The following SEMA3A variants were observed in gnomAD, a reference collection of about 807,000 sequenced individuals.
SEMA3A encodes the protein semaphorin-3A.
In SEMA3A, 29 loss-of-function variants were observed where a neutral mutation model predicts 97.9. The observed-to-expected ratio is 0.30, with a 90% CI of 0.22 to 0.40. The LOEUF (loss-of-function observed/expected upper bound fraction) is 0.40. Ranked by LOEUF, SEMA3A falls within the 10% of genes least tolerant of loss-of-function variation. The probability of loss-of-function intolerance (pLI) is 1.00; values close to 1 mark genes in which losing one functional copy is unlikely to be tolerated. For synonymous variants in SEMA3A, 321 were observed against 323.7 expected, an observed-to-expected ratio of 0.99 and a Z score of 0.09; for missense variants, 763 against 951.3, an observed-to-expected ratio of 0.80 and a Z score of 2.60.
chr7:84,011,846 TG>T (rs1790891400), intron 7 of SEMA3A, among the ~76,000 whole-genome samples: 2 of 152,190 alleles, frequency 1.3e-5, no homozygotes, highest in Admixed American at 1.3e-4. Flanking sequence ...AAATCAACAT[TG>T]TTTTGTACTC....
At chr7:84,086,671 G>GTA (rs1794386329) in intron 4 of SEMA3A, among the ~76,000 whole-genome samples, 2 of 145,470 alleles carry the variant, frequency 1.4e-5, no homozygotes, top group Non-Finnish European at 1.5e-5. Flanking sequence ...TCATATATAT[G>GTA]TATATATATG....
Position 84,471,926 on chromosome 7 carries a change from GT to G in SEMA3A, c.-246+20533del, listed in dbSNP as rs1174179573. ...GATCTTCAAATCATCTGACTTTCAG[GT>G]TTTTTTTTTTCTTTTGGTATCTTAG... is the stretch of plus-strand genomic sequence containing the variant. On this transcript the variant is annotated intron_variant, in intron 1 of 3. Transcript: ENST00000424555. Among the ~76,000 whole-genome samples the G allele has an allele frequency of 5.2e-3, 761 of 145,524 alleles. 8 individuals carry two copies. Among genetic ancestry groups the G allele is most frequent in the African/African-American group, 0.017 (664 of 39,948 alleles).
chr7:84,043,999 C>G (rs1486901733), intron 6 of SEMA3A, among the ~76,000 whole-genome samples: 3 of 151,992 alleles, frequency 2.0e-5, no homozygotes, highest in African/African-American at 7.2e-5. Context: ...ATACTATACT[C>G]TCCTTTATGT....
chr7:84,055,353 G>A (rs562052515), intron 5 of SEMA3A, among the ~76,000 whole-genome samples: 74 of 152,286 alleles, frequency 4.9e-4, no homozygotes, highest in African/African-American at 1.5e-3. Flanking sequence ...AGCAATCAGC[G>A]AGACTCCGTG....
At chr7:84,234,334 C>A (rs1158464785) in intron 3 of SEMA3A, among the ~76,000 whole-genome samples, 1 of 152,118 alleles carries the variant, frequency 6.6e-6, no homozygotes, top group African/African-American at 2.4e-5. Context: ...CACACTCATG[C>A]TCATGAAGAG....
At chr7:84,150,330 G>A (rs531165320) in intron 1 of SEMA3A, among the ~76,000 whole-genome samples, 1 of 152,154 alleles carries the variant, frequency 6.6e-6, no homozygotes, top group Non-Finnish European at 1.5e-5. Context: ...CTGAGGTACC[G>A]GGTTCATCTC....
intron 1 of SEMA3A, among the ~76,000 whole-genome samples, chr7:84,427,235 A>T (rs1804851109): frequency 6.6e-6 from 1 of 152,086 alleles, no homozygotes; most frequent in Admixed American, 6.6e-5. Context: ...CAATGAAGGG[A>T]GATATCTATG....
At position 84,430,073 on chromosome 7, in the gene SEMA3A, A is replaced by C. The variant is rs542815165; in HGVS notation, c.-245-58173T>G. Among the ~76,000 whole-genome samples the C allele has an allele frequency of 3.3e-5, 5 of 152,106 alleles. No individual in the cohort carries two copies. In the South Asian group the frequency reaches 1.0e-3, roughly 31 times the overall value. On this transcript the variant is annotated intron_variant, in intron 1 of 3. Coordinates refer to the SEMA3A transcript ENST00000424555. Reference sequence around the variant, plus strand: ...AGTAGAGTGGGTTTGTTTCTTTGTCAATCTAAATGAAATGTAAACCCAATC... The same window carrying C: ...AGTAGAGTGGGTTTGTTTCTTTGTCCATCTAAATGAAATGTAAACCCAATC...
intron 3 of SEMA3A, among the ~76,000 whole-genome samples, chr7:84,225,778 G>A (rs980089653): frequency 6.6e-6 from 1 of 151,936 alleles, no homozygotes; most frequent in Non-Finnish European, 1.5e-5. Flanking sequence ...TGGACATAAT[G>A]GTATAAAAGA....
intron 2 of SEMA3A, among the ~76,000 whole-genome samples, chr7:84,350,639 A>C (rs1017705531): frequency 3.3e-5 from 5 of 152,178 alleles, no homozygotes; most frequent in Non-Finnish European, 5.9e-5. Flanking sequence ...TACCTTGTTT[A>C]AAAATATAAT....
chr7:84,096,298 T>A (rs1794770290), intron 4 of SEMA3A, among the ~76,000 whole-genome samples: 1 of 152,022 alleles, frequency 6.6e-6, no homozygotes, highest in African/African-American at 2.4e-5. Flanking sequence ...TATTATAAAG[T>A]GAAGGATAGG....
At chr7:84,131,670 T>C (rs551097050) in intron 2 of SEMA3A, among the ~76,000 whole-genome samples, 1 of 152,348 alleles carries the variant, frequency 6.6e-6, no homozygotes, top group East Asian at 1.9e-4. Flanking sequence ...AAATCTCCTG[T>C]AGTGTTCATC....
chr7:84,427,841 T>TA (rs1804869386), intron 1 of SEMA3A, among the ~76,000 whole-genome samples: 1 of 151,834 alleles, frequency 6.6e-6, no homozygotes, highest in African/African-American at 2.4e-5. Context: ...AGCAAGTACA[T>TA]AAAAAATCTG....
At chr7:83,970,235 C>A (rs1038415528) in intron 15 of SEMA3A, among the ~76,000 whole-genome samples, 1 of 152,060 alleles carries the variant, frequency 6.6e-6, no homozygotes, top group African/African-American at 2.4e-5. Flanking sequence ...TTAATCATTT[C>A]CTCTTTTAGT....
chr7:84,436,276 G>T (rs1805126882), intron 1 of SEMA3A, among the ~76,000 whole-genome samples: 1 of 152,094 alleles, frequency 6.6e-6, no homozygotes, highest in African/African-American at 2.4e-5. Flanking sequence ...CCTTGGGAAA[G>T]AATTTATGAC....
intron 5 of SEMA3A, 125 bp from the exon 6 acceptor site, chr7:84,046,568 C>T: frequency 2.0e-6 from 2 of 1,019,540 alleles, no homozygotes; most frequent in Non-Finnish European, 1.5e-6. Context: ...GAAATGCTCT[C>T]TGCATCATTA....
chr7:84,407,066 G>T (rs1029747539), intron 1 of SEMA3A, among the ~76,000 whole-genome samples: 1 of 152,154 alleles, frequency 6.6e-6, no homozygotes, highest in African/African-American at 2.4e-5. Context: ...TCAGGCAGGA[G>T]AAGGAAATAA....
chr7:84,380,163 T>C (rs894837353), intron 1 of SEMA3A, among the ~76,000 whole-genome samples: 1 of 152,174 alleles, frequency 6.6e-6, no homozygotes, highest in Non-Finnish European at 1.5e-5. Flanking sequence ...TAACAAAGTA[T>C]CATAAAGATG....
At chr7:84,320,997 T>C (rs1801630082) in intron 2 of SEMA3A, among the ~76,000 whole-genome samples, 1 of 152,226 alleles carries the variant, frequency 6.6e-6, no homozygotes, top group African/African-American at 2.4e-5. Flanking sequence ...CTCATATTAG[T>C]CCAATATGTA....
Sources: allele counts gnomAD v4.1 joint callset (sites outside exome capture counted in the v4.1 genomes callset), GRCh38; gene constraint gnomAD v4.1.1; transcripts MANE v1.5; gene names NCBI Gene and HGNC (gene_info 2026-07-23, HGNC 2026-07-21).